Variants in HIF1AN observed in about 807,000 individuals in gnomAD.
The protein encoded by HIF1AN is hypoxia-inducible factor 1-alpha inhibitor.
Under a neutral mutation model 47.7 loss-of-function variants are expected in HIF1AN, and 21 were observed. The ratio of observed to expected loss-of-function variants is 0.44; its 90% CI spans 0.31 to 0.63. The LOEUF (loss-of-function observed/expected upper bound fraction) is 0.63. HIF1AN is among the 30% of genes least tolerant of loss of function. The pLI is 0.07. For synonymous variants in HIF1AN, 152 were observed against 155.9 expected (o/e 0.98, Z 0.18); for missense variants, 320 against 432.7 (o/e 0.74, Z 2.31).
At chr10:100,540,280 G>A (rs759896354) in intron 2 of HIF1AN, among the ~76,000 whole-genome samples, 4 of 150,090 alleles carry the variant, frequency 2.7e-5, no homozygotes, top group Non-Finnish European at 5.9e-5. Flanking sequence ...AAGTTTGGGG[G>A]CCAGATGCAG....
rs1174915197 is a variant in HIF1AN, at chr10:100,555,269, GTC to G, written c.*7134_*7135del. On this transcript the variant is annotated 3_prime_UTR_variant, in exon 8 of 8. Coordinates refer to ENST00000299163, the MANE Select transcript of HIF1AN (RefSeq NM_017902.3). Reference sequence around the variant, plus strand: ...TTTGGTTAGTCACAGAAATCTGAAAGTCTTGGTTGCTGGCTCAGATTTGTCCT... The same window carrying G: ...TTTGGTTAGTCACAGAAATCTGAAAGTTGGTTGCTGGCTCAGATTTGTCCT... 2.6e-5 allele frequency: 4 copies of G among 152,236 alleles called. No individual in the cohort carries two copies. The highest frequency in any genetic ancestry group is 9.6e-5 in the African/African-American group (4 of 41,454). The allele number at this position is 152,236 out of a possible 1,614,324, so 9.4% of individuals were successfully genotyped here. A position where few individuals can be genotyped will look rare whatever the true frequency, so the allele number is the denominator to read the frequency against.
Position 100,548,959 on chromosome 10 carries a change from T to G in HIF1AN, c.*822T>G, listed in dbSNP as rs1843123977. 6.6e-6 allele frequency: 1 copy of G among 152,388 alleles called. No homozygotes were observed. The highest frequency in any genetic ancestry group is 6.5e-5 in the Admixed American group (1 of 15,278). The allele number at this position is 152,388 out of a possible 1,614,324, so 9.4% of individuals were successfully genotyped here. A position where few individuals can be genotyped will look rare whatever the true frequency, so the allele number is the denominator to read the frequency against. On this transcript the variant is annotated 3_prime_UTR_variant, in exon 8 of 8. Transcript: ENST00000299163. Reference sequence around the variant, plus strand: ...AGGGAGTTCTCCTAGCTGTGGCTTCTCTAGGTTCTAGGGGTGCAAGCCTCT... The same window carrying G: ...AGGGAGTTCTCCTAGCTGTGGCTTCGCTAGGTTCTAGGGGTGCAAGCCTCT...
intron 2 of HIF1AN, among the ~76,000 whole-genome samples, chr10:100,537,543 C>G (rs562587813): frequency 6.6e-6 from 1 of 152,284 alleles, no homozygotes; most frequent in East Asian, 1.9e-4. Context: ...TTTGTTTTTC[C>G]TATCACAACA....
At position 100,546,558 on chromosome 10, in the gene HIF1AN, A is replaced by C. The variant is rs1182245147; in HGVS notation, c.871A>C (p.Ile291Leu). 1.2e-6 allele frequency: 2 copies of C among 1,612,438 alleles called. No individual in the cohort carries two copies. The highest frequency in any genetic ancestry group is 2.7e-5 in the African/African-American group (2 of 74,398). The change falls in exon 6 of 8, where the codon ATC becomes CTC. Residue 291 changes from isoleucine (I) to leucine (L), a missense_variant. Transcript: ENST00000299163. ...IESLLNGGIT[I>L]TVNFWYKGAP... ...GTCATTACTAAATGGGGGGATTACC[A>C]TCACTGTGAACTTCTGGTATAAGGT...
rs1264213462 is a variant in HIF1AN at position 100,550,175 on chromosome 10, A to G, written c.*2038A>G. On this transcript the variant is annotated 3_prime_UTR_variant, in exon 8 of 8. Transcript: ENST00000299163. ...CAAAGATGTGGGTGATGTGTCAAGG[A>G]GGCATGCACTCAGCTGGTCCTTGCT... 6.6e-6 allele frequency: 1 copy of G among 152,196 alleles called. No homozygotes were observed. The highest frequency in any genetic ancestry group is 1.5e-5 in the Non-Finnish European group (1 of 68,032). 9.4% of individuals were successfully genotyped at this position (152,196 alleles called of 1,614,324 possible). A position where few individuals can be genotyped will look rare whatever the true frequency, so the allele number is the denominator to read the frequency against.
chr10:100,553,251 A>G lies in HIF1AN; in HGVS notation c.*5114A>G, dbSNP rs1470562740. On this transcript the variant is annotated 3_prime_UTR_variant, in exon 8 of 8. Coordinates refer to ENST00000299163, the MANE Select transcript of HIF1AN (RefSeq NM_017902.3). Reference sequence around the variant, plus strand: ...ACATGACGTGGAACATGTCCCCTTCATGGAGGGTTTCCATCTAAATGCATC... The same window carrying G: ...ACATGACGTGGAACATGTCCCCTTCGTGGAGGGTTTCCATCTAAATGCATC... The G allele has an allele frequency of 6.6e-6, 1 of 152,220 alleles. No individual in the cohort carries two copies. Among genetic ancestry groups the G allele is most frequent in the Admixed American group, 6.5e-5 (1 of 15,284 alleles). The allele number at this position is 152,220 out of a possible 1,614,324, so 9.4% of individuals were successfully genotyped here.
Position 100,555,619 on chromosome 10 carries a change from C to G in HIF1AN, c.*7482C>G, listed in dbSNP as rs1267131406. ...AGCTTTGTGGGTGAAGAAGATACCT[C>G]TTTAGCTTGTGCCAACCCATCCCTC... is the stretch of plus-strand genomic sequence containing the variant. On this transcript the variant is annotated 3_prime_UTR_variant, in exon 8 of 8. Coordinates refer to ENST00000299163, the MANE Select transcript of HIF1AN (RefSeq NM_017902.3). 1 of 152,306 alleles carries G rather than the reference C, an allele frequency of 6.6e-6. No individual in the cohort carries two copies. Among genetic ancestry groups the G allele is most frequent in the East Asian group, 1.9e-4 (1 of 5,202 alleles). 9.4% of individuals were successfully genotyped at this position (152,306 alleles called of 1,614,324 possible). A position where few individuals can be genotyped will look rare whatever the true frequency, so the allele number is the denominator to read the frequency against.
chr10:100,541,340 A>G (rs1442388244), intron 3 of HIF1AN, among the ~76,000 whole-genome samples: 2 of 152,224 alleles, frequency 1.3e-5, no homozygotes, highest in Admixed American at 6.5e-5. Context: ...ACAGTGAACT[A>G]TGATTGCACC....
chr10:100,544,125 A>G (rs1272671713), intron 3 of HIF1AN, among the ~76,000 whole-genome samples: 4 of 152,238 alleles, frequency 2.6e-5, no homozygotes, highest in Non-Finnish European at 5.9e-5. Context: ...TCCTAGTTAG[A>G]AAGGAGTAGA....
intron 3 of HIF1AN, among the ~76,000 whole-genome samples, chr10:100,542,846 G>GGTTT (rs1843053178): frequency 8.9e-6 from 1 of 111,762 alleles, no homozygotes; most frequent in African/African-American, 3.4e-5. Flanking sequence ...ATGTGAATGT[G>GGTTT]TTTTTTTTTT....
rs1303815845 is a variant in HIF1AN, at chr10:100,554,383, T to TC, written c.*6249dup. 6.6e-6 allele frequency: 1 copy of TC among 152,258 alleles called. No individual in the cohort carries two copies. Among genetic ancestry groups the TC allele is most frequent in the African/African-American group, 2.4e-5 (1 of 41,412 alleles). The allele number at this position is 152,258 out of a possible 1,614,324, so 9.4% of individuals were successfully genotyped here. On this transcript the variant is annotated 3_prime_UTR_variant, in exon 8 of 8. Coordinates refer to ENST00000299163, the MANE Select transcript of HIF1AN (RefSeq NM_017902.3). ...CAGGTGTGGTGGCTCACACCTGTAA[T>TC]CCCAGCACTTCGGGAGGCTGAGGCA...
Position 100,552,585 on chromosome 10 carries a change from C to T in HIF1AN, c.*4448C>T, listed in dbSNP as rs1313314402. 1 of 152,382 alleles carries T rather than the reference C, an allele frequency of 6.6e-6. No individual in the cohort carries two copies. The highest frequency in any genetic ancestry group is 6.5e-5 in the Admixed American group (1 of 15,284). The allele number at this position is 152,382 out of a possible 1,614,324, so 9.4% of individuals were successfully genotyped here. ...GCTCTAAAGGGATGTTCCAGCCTCC[C>T]TCTCCAGAGCTGCCTGCAGTTTCCC... On this transcript the variant is annotated 3_prime_UTR_variant, in exon 8 of 8. Transcript: ENST00000299163.
chr10:100,547,137 T>C lies in HIF1AN; in HGVS notation c.895-3T>C. On this transcript the variant is annotated splice_region_variant and splice_polypyrimidine_tract_variant and intron_variant, in intron 6 of 7. Transcript: ENST00000299163. ...ATTTCCTGAGCTACTGCTTCCTTTGTAGGGGGCTCCCACCCCTAAGAGAAT... is the reference window on the plus strand; with the variant it reads ...ATTTCCTGAGCTACTGCTTCCTTTGCAGGGGGCTCCCACCCCTAAGAGAAT... 2 of 1,609,762 alleles carry C rather than the reference T, an allele frequency of 1.2e-6. No homozygotes were observed. Among genetic ancestry groups the C allele is most frequent in the Non-Finnish European group, 1.7e-6 (2 of 1,176,928 alleles).
chr10:100,536,055 C>A lies in HIF1AN; in HGVS notation c.97C>A (p.Arg33Ser). 1.9e-6 allele frequency: 3 copies of A among 1,611,832 alleles called. No individual in the cohort carries two copies. Among genetic ancestry groups the A allele is most frequent in the Non-Finnish European group, 2.5e-6 (3 of 1,179,306 alleles). The change falls in exon 1 of 8, where the codon CGC becomes AGC. Residue 33 changes from arginine (R) to serine (S), a missense_variant. Physicochemically the swap from Arg to Ser is moderately radical, Grantham distance 110. Coordinates refer to ENST00000299163, the MANE Select transcript of HIF1AN (RefSeq NM_017902.3). ...CCCCGCCTGGGATGAATCCCAGTTG[C>A]GCAGTTATAGCTTCCCGACTAGGCC... is the stretch of plus-strand genomic sequence containing the variant. Reference protein sequence around the residue: ...LGPAWDESQLRSYSFPTRPIP... With the variant: ...LGPAWDESQLSSYSFPTRPIP...
intron 1 of HIF1AN, 40 bp downstream of exon 1, chr10:100,536,175 T>G: frequency 6.5e-7 from 1 of 1,548,818 alleles, no homozygotes. Context: ...AGGAGGAAGG[T>G]ACCCGGTTGA....
intron 5 of HIF1AN, among the ~76,000 whole-genome samples, 174 bp from the exon 6 acceptor site, chr10:100,546,344 C>G (rs993444230): frequency 2.6e-5 from 4 of 152,266 alleles, no homozygotes; most frequent in Non-Finnish European, 5.9e-5. Flanking sequence ...GTACCTCTAA[C>G]CCCCAAGTGT....
At chr10:100,544,724 T>C (rs528555048) in intron 3 of HIF1AN, among the ~76,000 whole-genome samples, 4 of 152,220 alleles carry the variant, frequency 2.6e-5, no homozygotes, top group Non-Finnish European at 5.9e-5. Context: ...TTGACTTAGC[T>C]GATAGTGGAC....
rs1287289765 is a variant in HIF1AN, at chr10:100,555,443, G to C, written c.*7306G>C. The C allele has an allele frequency of 6.6e-6, 1 of 152,192 alleles. No homozygotes were observed. Among genetic ancestry groups the C allele is most frequent in the East Asian group, 1.9e-4 (1 of 5,198 alleles). 9.4% of individuals were successfully genotyped at this position (152,192 alleles called of 1,614,324 possible). On this transcript the variant is annotated 3_prime_UTR_variant, in exon 8 of 8. Coordinates refer to ENST00000299163, the MANE Select transcript of HIF1AN (RefSeq NM_017902.3). ...CTTCAGCCTGAGATGTATTATGGCT[G>C]GCTGGAATTCTCAGCCCTTTCCACA...
In HIF1AN at chr10:100,554,781, G is replaced by C. The variant is rs1453207762; in HGVS notation, c.*6644G>C. 1 of 150,418 alleles carries C rather than the reference G, an allele frequency of 6.6e-6. No individual in the cohort carries two copies. The highest frequency in any genetic ancestry group is 2.5e-5 in the African/African-American group (1 of 40,506). The allele number at this position is 150,418 out of a possible 1,614,324, so 9.3% of individuals were successfully genotyped here. A position where few individuals can be genotyped will look rare whatever the true frequency, so the allele number is the denominator to read the frequency against. ...AGATCACGTCATTGCACTCCAGCCT[G>C]GGTGACTACAGTGAGACTCCCTCTC... is the stretch of plus-strand genomic sequence containing the variant. On this transcript the variant is annotated 3_prime_UTR_variant, in exon 8 of 8. Coordinates refer to ENST00000299163, the MANE Select transcript of HIF1AN (RefSeq NM_017902.3).
Sources: allele counts gnomAD v4.1 joint callset (sites outside exome capture counted in the v4.1 genomes callset), GRCh38; gene constraint gnomAD v4.1.1; transcripts MANE v1.5; gene names NCBI Gene and HGNC (gene_info 2026-07-23, HGNC 2026-07-21).